RANBP2: variants seen among roughly 807,000 people sequenced by gnomAD.
RANBP2 encodes the protein E3 SUMO-protein ligase RanBP2.
RANBP2 carries 57 observed loss-of-function variants against 303.6 expected under a neutral mutation model. That is an observed-to-expected ratio of 0.19 (90% confidence interval 0.15 to 0.23). The LOEUF (loss-of-function observed/expected upper bound fraction) is 0.23. Ranked by LOEUF, RANBP2 falls within the 10% of genes least tolerant of loss-of-function variation. The pLI is 1.00. For synonymous variants in RANBP2, 1,167 were observed against 1,301.5 expected, an observed-to-expected ratio of 0.90 and a Z score of 2.23; for missense variants, 3,138 against 3,780.8, an observed-to-expected ratio of 0.83 and a Z score of 4.46.
the RANBP2 span, among the ~76,000 whole-genome samples, chr2:109,259,766 T>C: frequency 6.6e-6 from 1 of 152,226 alleles, no homozygotes; most frequent in African/African-American, 2.4e-5. Context: ...TAGGTGCATG[T>C]GGAGGGAGCT....
rs1678297645 is a variant in RANBP2, at chr2:108,782,158, G to A, written c.8791G>A (p.Glu2931Lys). The A allele has an allele frequency of 5.0e-6, 8 of 1,613,990 alleles. No homozygotes were observed. The highest frequency in any genetic ancestry group is 1.3e-5 in the African/African-American group (1 of 74,920). The change falls in exon 27 of 29, where the codon GAA becomes AAA. Residue 2931 changes from glutamate (E) to lysine (K), a missense_variant. This residue lies in a region of RANBP2 where 68 missense variants were observed against 117.4 expected (regional missense o/e 0.58). Coordinates refer to ENST00000283195, the MANE Select transcript of RANBP2 (RefSeq NM_006267.5). ...AGTAAAATCTGGAGAAGAAGATGAAGAAATTTTGTTTAAAGAGAGAGCCAA... is the reference window on the plus strand; with the variant it reads ...AGTAAAATCTGGAGAAGAAGATGAAAAAATTTTGTTTAAAGAGAGAGCCAA... Reference protein sequence around the residue: ...VEVKSGEEDEEILFKERAKLY... With the variant: ...VEVKSGEEDEKILFKERAKLY...
chr2:109,519,575 C>T, the RANBP2 span, among the ~76,000 whole-genome samples: 1 of 152,210 alleles, frequency 6.6e-6, no homozygotes, highest in African/African-American at 2.4e-5. Context: ...CTGGGGAGAT[C>T]ATACTGGTCT....
intron 25 of RANBP2, 139 bp from the exon 26 acceptor site, chr2:108,781,130 T>G: frequency 1.0e-6 from 1 of 973,270 alleles, no homozygotes; most frequent in Non-Finnish European, 1.5e-6. Flanking sequence ...AGGAATTTAC[T>G]AGAATAATAT....
the RANBP2 span, among the ~76,000 whole-genome samples, chr2:109,139,746 C>T: frequency 6.6e-6 from 1 of 152,138 alleles, no homozygotes; most frequent in Non-Finnish European, 1.5e-5. Context: ...CAGAAGGGCA[C>T]CTGCTATGGG....
downstream of RANBP2, chr2:108,789,095 G>A: frequency 2.6e-6 from 2 of 770,516 alleles, no homozygotes; most frequent in South Asian, 4.1e-5. Flanking sequence ...AGGCAGTCTG[G>A]AGCCTGCTAA....
the RANBP2 span, among the ~76,000 whole-genome samples, chr2:109,112,139 T>C: frequency 6.6e-6 from 1 of 151,484 alleles, no homozygotes; most frequent in Non-Finnish European, 1.5e-5. Flanking sequence ...GTCCTTTGGG[T>C]ATATACCCAG....
At chr2:109,137,253 A>T in the RANBP2 span, among the ~76,000 whole-genome samples, 6 of 152,244 alleles carry the variant, frequency 3.9e-5, no homozygotes, top group South Asian at 1.2e-3. Context: ...TTATTCTTCC[A>T]TAGTCTAGAT....
At chr2:109,453,270 G>A in the RANBP2 span, among the ~76,000 whole-genome samples, 1 of 152,198 alleles carries the variant, frequency 6.6e-6, no homozygotes, top group African/African-American at 2.4e-5. Flanking sequence ...ATTGCTCCCT[G>A]CAGGGGCTGC....
the RANBP2 span, among the ~76,000 whole-genome samples, chr2:109,518,460 T>G: frequency 2.6e-5 from 4 of 152,208 alleles, no homozygotes; most frequent in Non-Finnish European, 5.9e-5. Context: ...CTTAACTCAG[T>G]GTCTGCAGAC....
the RANBP2 span, among the ~76,000 whole-genome samples, chr2:109,235,221 A>T: frequency 6.6e-6 from 1 of 152,206 alleles, no homozygotes; most frequent in Admixed American, 6.5e-5. Context: ...GACAGCGAGC[A>T]TGTAAAATAG....
At chr2:109,515,074 T>C in the RANBP2 span, among the ~76,000 whole-genome samples, 2 of 152,196 alleles carry the variant, frequency 1.3e-5, no homozygotes, top group African/African-American at 4.8e-5. Context: ...TGGAAATCAC[T>C]TGTGGCCTCT....
downstream of RANBP2, chr2:108,788,831 T>C: frequency 1.2e-6 from 2 of 1,613,946 alleles, no homozygotes; most frequent in South Asian, 1.1e-5. Flanking sequence ...TAATCTTTCA[T>C]GGTTTCTTTG....
chr2:108,758,252 G>C (rs1002545277), intron 17 of RANBP2, among the ~76,000 whole-genome samples, 161 bp from the exon 18 acceptor site: 5 of 149,302 alleles, frequency 3.3e-5, no homozygotes, highest in Admixed American at 1.3e-4. Context: ...AGCCAAGATT[G>C]TGCCATTGCA....
chr2:109,580,859 C>G, the RANBP2 span, among the ~76,000 whole-genome samples: 1 of 152,166 alleles, frequency 6.6e-6, no homozygotes, highest in Non-Finnish European at 1.5e-5. Context: ...CCGGGCAGAG[C>G]GCAAAGACAG....
the RANBP2 span, among the ~76,000 whole-genome samples, chr2:108,970,704 A>G: frequency 6.6e-6 from 1 of 152,324 alleles, no homozygotes; most frequent in East Asian, 1.9e-4. Flanking sequence ...CATAAGGTAG[A>G]AAGAATAAAA....
At chr2:109,729,589 G>T in the RANBP2 span, among the ~76,000 whole-genome samples, 1 of 152,180 alleles carries the variant, frequency 6.6e-6, no homozygotes, top group Admixed American at 6.5e-5. Flanking sequence ...AGTGGAGGTT[G>T]CAGTGAGCCG....
At chr2:108,863,326 G>C in the RANBP2 span, among the ~76,000 whole-genome samples, 1 of 152,126 alleles carries the variant, frequency 6.6e-6, no homozygotes, top group Non-Finnish European at 1.5e-5. Flanking sequence ...CTTTCACATG[G>C]AAAAATTCCC....
chr2:108,825,754 T>C, the RANBP2 span, among the ~76,000 whole-genome samples: 1 of 152,194 alleles, frequency 6.6e-6, no homozygotes, highest in Non-Finnish European at 1.5e-5. Flanking sequence ...GGTGTTGCTA[T>C]GAACATTTAT....
At chr2:108,739,152 CA>C (rs1695863206) in intron 6 of RANBP2, among the ~76,000 whole-genome samples, 1 of 152,050 alleles carries the variant, frequency 6.6e-6, no homozygotes, top group African/African-American at 2.4e-5. Context: ...CCTGTAATCC[CA>C]GCACTTTGGG....
Sources: gnomAD v4.1 joint callset for allele counts (sites outside exome capture counted in the v4.1 genomes callset) on GRCh38, gnomAD v4.1.1 for gene constraint, gnomAD v4.1.1 regional missense constraint, MANE v1.5 for transcripts, NCBI Gene and HGNC (gene_info 2026-07-23, HGNC 2026-07-21) for gene names.